Variants in TSHZ2 observed in about 807,000 individuals in gnomAD.
TSHZ2 encodes teashirt zinc finger homeobox 2.
In TSHZ2, 21 loss-of-function variants were observed where a neutral mutation model predicts 74.4. That is an observed-to-expected ratio of 0.28 (90% confidence interval 0.20 to 0.41). The LOEUF is 0.41. Among genes scored for constraint, TSHZ2 ranks in the 10% least tolerant of loss-of-function variants. The pLI, the probability that TSHZ2 is intolerant of heterozygous loss-of-function variation, is 1.00. For synonymous variants in TSHZ2, 540 were observed against 515.3 expected (o/e 1.05, Z -0.65); for missense variants, 1,244 against 1,293.5 (o/e 0.96, Z 0.59).
At chr20:53,471,626 A>G (rs926213801) in intron 2 of TSHZ2, among the ~76,000 whole-genome samples, 5 of 152,100 alleles carry the variant, frequency 3.3e-5, no homozygotes, top group Non-Finnish European at 5.9e-5. Context: ...AAAGAGTGGG[A>G]AGAAGAGCAT....
At position 53,290,530 on chromosome 20, in the gene TSHZ2, G is replaced by A. The variant is rs933444521; in HGVS notation, c.*8+33959G>A. 3.9e-5 allele frequency among the ~76,000 whole-genome samples: 6 copies of A among 152,038 alleles called. No individual in the cohort carries two copies. The South Asian group carries it at 1.2e-3, about 32-fold the overall frequency. On this transcript the variant is annotated intron_variant, in intron 2 of 2. Transcript: ENST00000371497. ...ATCTCCAGGAGTTCACTGTTTATTGGGGAATAAAAGTATCATTCTAACAAT... is the reference window on the plus strand; with the variant it reads ...ATCTCCAGGAGTTCACTGTTTATTGAGGAATAAAAGTATCATTCTAACAAT...
intron 1 of TSHZ2, among the ~76,000 whole-genome samples, chr20:53,202,420 T>C (rs1178271545): frequency 6.6e-6 from 1 of 152,242 alleles, no homozygotes; most frequent in Non-Finnish European, 1.5e-5. Flanking sequence ...TACATGATTC[T>C]CTGCAGTGTA....
At chr20:53,312,601 G>A (rs1442926276) in intron 2 of TSHZ2, among the ~76,000 whole-genome samples, 3 of 152,168 alleles carry the variant, frequency 2.0e-5, no homozygotes, top group Non-Finnish European at 2.9e-5. Flanking sequence ...ATTCAAATTT[G>A]GAGATTTTTC....
At chr20:53,328,479 A>G (rs902279996) in intron 2 of TSHZ2, among the ~76,000 whole-genome samples, 32 of 152,244 alleles carry the variant, frequency 2.1e-4, no homozygotes, top group Non-Finnish European at 3.7e-4. Flanking sequence ...CCTCTCTGCA[A>G]TGCTGATCAG....
chr20:53,243,187 A>G (rs994528224), intron 1 of TSHZ2, among the ~76,000 whole-genome samples: 3 of 152,104 alleles, frequency 2.0e-5, no homozygotes, highest in African/African-American at 7.2e-5. Context: ...AATCTTTTAT[A>G]CATAGGGAAT....
chr20:52,985,642 G>A (rs1212842462), intron 1 of TSHZ2, among the ~76,000 whole-genome samples: 1 of 152,214 alleles, frequency 6.6e-6, no homozygotes, highest in Non-Finnish European at 1.5e-5. Flanking sequence ...AAGGGCAGAT[G>A]TTGTGTCTCA....
chr20:53,236,014 A>G (rs552710169), intron 1 of TSHZ2, among the ~76,000 whole-genome samples: 40 of 152,358 alleles, frequency 2.6e-4, no homozygotes, highest in Admixed American at 2.4e-3. Context: ...ACTGAGTAAC[A>G]GCAGCCAAAT....
chr20:53,226,919 T>C (rs931023564), intron 1 of TSHZ2, among the ~76,000 whole-genome samples: 3 of 152,194 alleles, frequency 2.0e-5, no homozygotes, highest in African/African-American at 7.2e-5. Context: ...CAATAAATAG[T>C]AGGGTTGTTG....
rs908736275 is a variant in TSHZ2 at position 53,378,463 on chromosome 20, GA to G, written c.*9-108672del. Among the ~76,000 whole-genome samples, 208 of 150,466 alleles carry G rather than the reference GA, an allele frequency of 1.4e-3. 1 individual carries two copies. The highest frequency in any genetic ancestry group is 4.8e-3 in the African/African-American group (196 of 41,114). Reference sequence around the variant, plus strand: ...CTCCCACACCTTAAACTGGAAGCCAGAAAAAAAAACTCTTCAAATTTGTACT... The same window carrying G: ...CTCCCACACCTTAAACTGGAAGCCAGAAAAAAAACTCTTCAAATTTGTACT... On this transcript the variant is annotated intron_variant, in intron 2 of 2. Transcript: ENST00000371497.
rs201253433 is a variant in TSHZ2, at chr20:53,159,685, C to A, written c.41-93814C>A. ...AAAAACAGGAAAACACTTAAGTGAC[C>A]AAAGTCAATAAGTTTTCTATTGTTC... On this transcript the variant is annotated intron_variant, in intron 1 of 2. Coordinates refer to ENST00000371497, the MANE Select transcript of TSHZ2 (RefSeq NM_173485.6). Among the ~76,000 whole-genome samples, 3 of 150,224 alleles carry A rather than the reference C, an allele frequency of 2.0e-5. No homozygotes were observed. The East Asian group carries it at 5.8e-4, about 29-fold the overall frequency.
chr20:53,464,675 C>T (rs1208436385), intron 2 of TSHZ2, among the ~76,000 whole-genome samples: 2 of 152,152 alleles, frequency 1.3e-5, no homozygotes, highest in Non-Finnish European at 2.9e-5. Context: ...TGCTATGTTA[C>T]CCAGGCTGGT....
intron 2 of TSHZ2, among the ~76,000 whole-genome samples, chr20:53,473,156 C>T (rs1251330373): frequency 1.4e-5 from 2 of 146,970 alleles, no homozygotes; most frequent in Non-Finnish European, 3.0e-5. Flanking sequence ...CAGCCCACCA[C>T]AGCTCAAGGA....
chr20:53,125,813 G>A (rs1305498848), intron 1 of TSHZ2, among the ~76,000 whole-genome samples: 1 of 152,036 alleles, frequency 6.6e-6, no homozygotes, highest in Non-Finnish European at 1.5e-5. Context: ...ATCTATCAGT[G>A]GGCTTAATAA....
At chr20:53,476,406 A>G (rs992229741) in intron 2 of TSHZ2, among the ~76,000 whole-genome samples, 1 of 151,906 alleles carries the variant, frequency 6.6e-6, no homozygotes, top group Non-Finnish European at 1.5e-5. Flanking sequence ...CAAAGACAAA[A>G]ACCACATGAT....
chr20:52,984,918 A>G (rs1981698780), intron 1 of TSHZ2, among the ~76,000 whole-genome samples: 1 of 152,056 alleles, frequency 6.6e-6, no homozygotes, highest in Non-Finnish European at 1.5e-5. Context: ...AGCCATGAAT[A>G]TTTTCTCTAA....
At chr20:53,051,434 TATC>T (rs1288271088) in intron 1 of TSHZ2, among the ~76,000 whole-genome samples, 3 of 148,492 alleles carry the variant, frequency 2.0e-5, no homozygotes, top group East Asian at 2.0e-4. Context: ...GAAATATTCT[TATC>T]ATATTACTCT....
chr20:53,468,072 CTTT>C (rs548324737), intron 2 of TSHZ2, among the ~76,000 whole-genome samples: 119 of 152,256 alleles, frequency 7.8e-4, no homozygotes, highest in African/African-American at 2.7e-3. Context: ...GGCTCCATCT[CTTT>C]TTTATAATTA....
At chr20:53,108,159 A>G (rs781769735) in intron 1 of TSHZ2, among the ~76,000 whole-genome samples, 9 of 152,174 alleles carry the variant, frequency 5.9e-5, no homozygotes, top group African/African-American at 1.9e-4. Context: ...CCAACCACTC[A>G]TGTTTACTCT....
rs114922273 is a variant in TSHZ2 at position 53,157,211 on chromosome 20, G to C, written c.41-96288G>C. 8.4e-3 allele frequency among the ~76,000 whole-genome samples: 1,280 copies of C among 152,082 alleles called. 19 individuals are homozygous for C. Among genetic ancestry groups the C allele is most frequent in the African/African-American group, 0.03 (1,240 of 41,436 alleles). ...TATGCTTGAAATTTAGTAATTCTAG[G>C]AACAATTTTTTTTAGAGCTTAGATC... On this transcript the variant is annotated intron_variant, in intron 1 of 2. Coordinates refer to ENST00000371497, the MANE Select transcript of TSHZ2 (RefSeq NM_173485.6).
Sources: allele counts gnomAD v4.1 joint callset (sites outside exome capture counted in the v4.1 genomes callset), GRCh38; gene constraint gnomAD v4.1.1; transcripts MANE v1.5; gene names NCBI Gene and HGNC (gene_info 2026-07-23, HGNC 2026-07-21).